Variants in TTLL9 observed in about 807,000 individuals in gnomAD.
TTLL9 encodes tubulin tyrosine ligase like 9.
In TTLL9, 47 loss-of-function variants were observed where a neutral mutation model predicts 65.6. The observed-to-expected ratio is 0.72, with a 90% confidence interval of 0.57 to 0.91. The LOEUF (loss-of-function observed/expected upper bound fraction) is 0.91. Among genes scored for constraint, TTLL9 ranks in the 40% least tolerant of loss-of-function variants. TTLL9 has a pLI of 0.00. For missense variants in TTLL9, 537 were observed against 568.8 expected (o/e 0.94, Z 0.57); for synonymous variants, 179 against 204.8 (o/e 0.87, Z 1.07).
At chr20:31,872,513 CAAAAAAA>C (rs370298785) in intron 2 of TTLL9, among the ~76,000 whole-genome samples, 1 of 118,472 alleles carries the variant, frequency 8.4e-6, no homozygotes, top group Non-Finnish European at 1.9e-5. Context: ...CCTGCTTTTA[CAAAAAAA>C]AAAAAAAAAT....
At chr20:31,924,220 G>A (rs535147663) in intron 8 of TTLL9, among the ~76,000 whole-genome samples, 15 of 151,992 alleles carry the variant, frequency 9.9e-5, no homozygotes, top group East Asian at 3.9e-4. Flanking sequence ...GGTGCCTGCC[G>A]CTGCTCTGCC....
In TTLL9 at chr20:31,934,846, A is replaced by T. The variant is rs1203491057; in HGVS notation, c.962A>T (p.Glu321Val). 1 of 1,613,880 alleles carries T rather than the reference A, an allele frequency of 6.2e-7. No individual in the cohort carries two copies. The highest frequency in any genetic ancestry group is 8.5e-7 in the Non-Finnish European group (1 of 1,180,012). The change falls in exon 12 of 15, where the codon GAG becomes GTG. Residue 321 changes from glutamate (E) to valine (V), a missense_variant. Transcript: ENST00000535842. ...ATCATCAGTGACAAGCACTGCTTCGAGCTGTACGGCTATGACATCCTCATC... is the reference window on the plus strand; with the variant it reads ...ATCATCAGTGACAAGCACTGCTTCGTGCTGTACGGCTATGACATCCTCATC... ...KVIISDKHCF[E>V]LYGYDILIDQ...
intron 4 of TTLL9, among the ~76,000 whole-genome samples, chr20:31,900,183 T>C (rs967295839): frequency 6.6e-6 from 1 of 152,214 alleles, no homozygotes; most frequent in African/African-American, 2.4e-5. Flanking sequence ...CCCTGCTGCG[T>C]GGTGCTCAGG....
At chr20:31,898,325 G>T in intron 3 of TTLL9, 148 bp from the exon 4 acceptor site, 1 of 625,380 alleles carries the variant, frequency 1.6e-6, no homozygotes, top group Non-Finnish European at 2.9e-6. Flanking sequence ...TATGTTAAGT[G>T]TTATCATGCT....
intron 8 of TTLL9, among the ~76,000 whole-genome samples, chr20:31,924,024 T>C (rs2063854718): frequency 6.6e-6 from 1 of 152,092 alleles, no homozygotes; most frequent in Non-Finnish European, 1.5e-5. Context: ...CCCCCCACCA[T>C]GCCTCAGCTT....
rs765082910 is a variant in TTLL9, at chr20:31,898,483, G to T, written c.124G>T (p.Ala42Ser). 4.3e-6 allele frequency: 7 copies of T among 1,614,052 alleles called. No homozygotes were observed. In the African/African-American group the frequency reaches 9.3e-5, roughly 22 times the overall value. The change falls in exon 4 of 15, where the codon GCA becomes TCA. Residue 42 changes from alanine (A) to serine (S), a missense_variant. By Grantham distance (99) the Ala-to-Ser change is moderately conservative. Coordinates refer to ENST00000535842, the MANE Select transcript of TTLL9 (RefSeq NM_001008409.5). ...TGCCTTGTCTTGCAGAGAGCAGAGA[G>T]CATCGATCCGGTTCAAGACCACCCT... ...LSKGKEREQR[A>S]SIRFKTTLMN...
At chr20:31,873,730 GAA>G (rs1398589493) in intron 2 of TTLL9, among the ~76,000 whole-genome samples, 2 of 103,920 alleles carry the variant, frequency 1.9e-5, no homozygotes, top group Admixed American at 9.8e-5. Flanking sequence ...AAGAAAGAAA[GAA>G]AGAAAAAGGA....
intron 3 of TTLL9, among the ~76,000 whole-genome samples, chr20:31,892,699 T>G (rs2063324339): frequency 6.6e-6 from 1 of 152,144 alleles, no homozygotes; most frequent in Non-Finnish European, 1.5e-5. Flanking sequence ...TGTGTACCCT[T>G]GAAAAAGAGT....
chr20:31,939,369 A>G (rs1280418342), intron 14 of TTLL9, 103 bp downstream of exon 14: 8 of 1,345,698 alleles, frequency 5.9e-6, no homozygotes, highest in Non-Finnish European at 8.0e-6. Context: ...GTTTGAATTC[A>G]ATCTGCAACT....
chr20:31,875,833 C>T (rs1301406537), intron 2 of TTLL9, among the ~76,000 whole-genome samples: 2 of 152,116 alleles, frequency 1.3e-5, no homozygotes, highest in Admixed American at 6.5e-5. Flanking sequence ...CCTTTTCTCT[C>T]CCCACTTCCT....
At chr20:31,898,006 C>T (rs960012776) in intron 3 of TTLL9, among the ~76,000 whole-genome samples, 2 of 152,182 alleles carry the variant, frequency 1.3e-5, no homozygotes, top group Non-Finnish European at 2.9e-5. Context: ...CCAGGGAATT[C>T]ACCACCATGT....
At chr20:31,915,956 C>T (rs2063727887) in intron 6 of TTLL9, among the ~76,000 whole-genome samples, 2 of 152,194 alleles carry the variant, frequency 1.3e-5, no homozygotes, top group Non-Finnish European at 2.9e-5. Context: ...TTATTTAGTT[C>T]ATGTGAGCCC....
chr20:31,927,164 A>C (rs928683332), intron 10 of TTLL9, among the ~76,000 whole-genome samples: 1 of 151,550 alleles, frequency 6.6e-6, no homozygotes, highest in Non-Finnish European at 1.5e-5. Flanking sequence ...ATGTTTGCTT[A>C]TCTGTACATA....
At position 31,923,083 on chromosome 20, in the gene TTLL9, C is replaced by T. The variant is rs199596475; in HGVS notation, c.664+30C>T. The T allele has an allele frequency of 2.6e-6, 4 of 1,528,182 alleles. No individual in the cohort carries two copies. In the Admixed American group the frequency reaches 6.7e-5, roughly 26 times the overall value. 94.7% of individuals were successfully genotyped at this position (1,528,182 alleles called of 1,614,324 possible). ...GATGGCTGTGTCTGCTCCTGCTCTTCCATTGCATGGTCATCAAACAGTCAG... is the reference window on the plus strand; with the variant it reads ...GATGGCTGTGTCTGCTCCTGCTCTTTCATTGCATGGTCATCAAACAGTCAG... On this transcript the variant is annotated intron_variant, in intron 8 of 14. Coordinates refer to ENST00000535842, the MANE Select transcript of TTLL9 (RefSeq NM_001008409.5).
chr20:31,890,570 T>G (rs1407154093), intron 3 of TTLL9, among the ~76,000 whole-genome samples: 2 of 152,180 alleles, frequency 1.3e-5, no homozygotes, highest in African/African-American at 4.8e-5. Context: ...GTGGTTTATT[T>G]GGAAGGTAAT....
At chr20:31,871,009 C>T (rs1568715499) in intron 1 of TTLL9, 60 bp downstream of exon 1, 1 of 997,680 alleles carries the variant, frequency 1.0e-6, no homozygotes, top group Non-Finnish European at 1.6e-6. Flanking sequence ...ACCAACCAGC[C>T]TTCCTCCTTT....
intron 2 of TTLL9, among the ~76,000 whole-genome samples, chr20:31,877,535 C>T (rs1430135965): frequency 1.3e-5 from 2 of 152,138 alleles, no homozygotes; most frequent in East Asian, 1.9e-4. Flanking sequence ...CTTTCCCACC[C>T]CAAGATAATA....
chr20:31,917,023 C>T (rs1275543241), intron 6 of TTLL9, among the ~76,000 whole-genome samples: 2 of 152,100 alleles, frequency 1.3e-5, no homozygotes, highest in African/African-American at 4.8e-5. Context: ...GGAAGGCAGC[C>T]AACAGGGTTG....
chr20:31,881,775 C>T (rs557727791), intron 2 of TTLL9, among the ~76,000 whole-genome samples: 1 of 152,194 alleles, frequency 6.6e-6, no homozygotes, highest in East Asian at 1.9e-4. Flanking sequence ...AAACAAACAT[C>T]TACTGAAATA....
Sources: gnomAD v4.1 joint callset for allele counts (sites outside exome capture counted in the v4.1 genomes callset) on GRCh38, gnomAD v4.1.1 for gene constraint, MANE v1.5 for transcripts, NCBI Gene and HGNC (gene_info 2026-07-23, HGNC 2026-07-21) for gene names.